VKORC1: variants seen among roughly 807,000 people sequenced by gnomAD.
VKORC1 encodes the protein vitamin K epoxide reductase complex subunit 1, also known as phylloquinone epoxide reductase.
In VKORC1, 12 loss-of-function variants were observed where a neutral mutation model predicts 14.8. That is an observed-to-expected ratio of 0.81 (90% CI 0.52 to 1.31). The LOEUF (loss-of-function observed/expected upper bound fraction) is 1.31. VKORC1 is among the 50% of genes most tolerant of loss of function. The pLI, the probability that VKORC1 is intolerant of heterozygous loss-of-function variation, is 0.00. For synonymous variants in VKORC1, 94 were observed against 92.5 expected (o/e 1.02, Z -0.09); for missense variants, 223 against 215.3 (o/e 1.04, Z -0.22).
At chr16:31,093,573 G>A in intron 1 of VKORC1, 152 bp from the exon 2 acceptor site, 1 of 1,525,892 alleles carries the variant, frequency 6.6e-7, no homozygotes, top group Non-Finnish European at 8.8e-7. Context: ...TGATCTCCTG[G>A]CACCGGGCAC....
intron 2 of VKORC1, chr16:31,092,871 C>CAA (rs144197331): frequency 1.5e-3 from 1,166 of 766,404 alleles, no homozygotes; most frequent in Middle Eastern, 2.7e-3. Context: ...CCATCTCTAC[C>CAA]AAAAAAAAAC....
At chr16:31,092,896 G>T in intron 2 of VKORC1, 1 of 641,456 alleles carries the variant, frequency 1.6e-6, no homozygotes, top group African/African-American at 1.9e-5. Context: ...ACAAAAATTA[G>T]CTGGGCATAG....
Position 31,090,984 on chromosome 16 carries a change from G to C in VKORC1, c.*150C>G. 1.5e-6 allele frequency: 2 copies of C among 1,290,924 alleles called. No individual in the cohort carries two copies. The highest frequency in any genetic ancestry group is 2.5e-5 in the East Asian group (1 of 39,450). 80.0% of individuals were successfully genotyped at this position (1,290,924 alleles called of 1,614,324 possible). On this transcript the variant is annotated 3_prime_UTR_variant, in exon 3 of 3. Transcript: ENST00000394975. ...AAAAGAGCGAGCGTGTGGCACATTT[G>C]GTCCATTGTCATGTGCGGGTATGGC...
At chr16:31,092,763 G>T in intron 2 of VKORC1, 1 of 1,280,296 alleles carries the variant, frequency 7.8e-7, no homozygotes, top group Non-Finnish European at 1.0e-6. Flanking sequence ...CTGGGGTGTT[G>T]GTGGGGCATG....
intron 2 of VKORC1, among the ~76,000 whole-genome samples, chr16:31,091,863 G>A (rs984767023): frequency 1.3e-5 from 2 of 151,264 alleles, no homozygotes; most frequent in African/African-American, 4.9e-5. Context: ...TCCAGCTTGG[G>A]CAGCAAGAGC....
In VKORC1 at chr16:31,093,643, C is replaced by G. The variant is rs547738904; in HGVS notation, c.174-222G>C. Reference sequence around the variant, plus strand: ...TATCCTCCCCTCTCCCCAGACCAGGCCCGGACGTGGCTACTCCGTAGGCCC... The same window carrying G: ...TATCCTCCCCTCTCCCCAGACCAGGGCCGGACGTGGCTACTCCGTAGGCCC... On this transcript the variant is annotated intron_variant, in intron 1 of 2. Coordinates refer to ENST00000394975, the MANE Select transcript of VKORC1 (RefSeq NM_024006.6). 191 of 1,148,386 alleles carry G rather than the reference C, an allele frequency of 1.7e-4. 1 individual carries two copies. Among genetic ancestry groups the G allele is most frequent in the Non-Finnish European group, 2.6e-5 (22 of 836,276 alleles). The allele number at this position is 1,148,386 out of a possible 1,614,324, so 71.1% of individuals were successfully genotyped here.
rs1332601665 is a variant in VKORC1 at position 31,091,036 on chromosome 16, C to A, written c.*98G>T. On this transcript the variant is annotated 3_prime_UTR_variant, in exon 3 of 3. Transcript: ENST00000394975. ...GGAGGAGGGGGTAATCTAGAAGCCC[C>A]ACATCTAGGGCCTTCTAGGGACCCA... 6 of 1,546,172 alleles carry A rather than the reference C, an allele frequency of 3.9e-6. No individual in the cohort carries two copies. In the East Asian group the frequency reaches 1.2e-4, roughly 31 times the overall value.
Position 31,091,359 on chromosome 16 carries a change from G to C in VKORC1, c.284-17C>G, listed in dbSNP as rs1285360048. 6.2e-7 allele frequency: 1 copy of C among 1,608,294 alleles called. No individual in the cohort carries two copies. The highest frequency in any genetic ancestry group is 2.2e-5 in the East Asian group (1 of 44,734). ...GCAGGCAACCTGCAAGGCAGAAGAG[G>C]GTCCGGTGTGGGCTTCAGGCACTGG... On this transcript the variant is annotated splice_polypyrimidine_tract_variant and intron_variant, in intron 2 of 2. Transcript: ENST00000394975.
At chr16:31,092,863 A>G (rs933141250) in intron 2 of VKORC1, 2 of 947,256 alleles carry the variant, frequency 2.1e-6, no homozygotes, top group Admixed American at 3.3e-5. Context: ...GCGAGACACC[A>G]TCTCTACCAA....
At chr16:31,093,524 C>T (rs748692999) in intron 1 of VKORC1, 103 bp from the exon 2 acceptor site, 1 of 1,573,266 alleles carries the variant, frequency 6.4e-7, no homozygotes, top group East Asian at 2.3e-5. Flanking sequence ...CCTGGGCTAT[C>T]CTCTGTTCCC....
chr16:31,094,095 TG>T (rs2057310730), intron 1 of VKORC1: 3 of 1,434,064 alleles, frequency 2.1e-6, no homozygotes, highest in Non-Finnish European at 2.8e-6. Flanking sequence ...ATCTTTGCCC[TG>T]GACCCCAGAA....
At chr16:31,092,344 GA>G (rs2057295668) in intron 2 of VKORC1, among the ~76,000 whole-genome samples, 1 of 148,072 alleles carries the variant, frequency 6.8e-6, no homozygotes, top group Admixed American at 6.8e-5. Context: ...AAAAAAAAAA[GA>G]AGGCTTCAAC....
In VKORC1 at chr16:31,091,484, C is replaced by T; in HGVS notation, c.284-142G>A. Reference sequence around the variant, plus strand: ...AGAGGCTCCAGGGCAGATGTGGTGGCTTACGCACGTATTCCAAACACTCTG... The same window carrying T: ...AGAGGCTCCAGGGCAGATGTGGTGGTTTACGCACGTATTCCAAACACTCTG... On this transcript the variant is annotated intron_variant, in intron 2 of 2. Coordinates refer to ENST00000394975, the MANE Select transcript of VKORC1 (RefSeq NM_024006.6). 3.4e-6 allele frequency: 5 copies of T among 1,492,284 alleles called. No homozygotes were observed. In the South Asian group the frequency reaches 6.2e-5, roughly 18 times the overall value. The allele number at this position is 1,492,284 out of a possible 1,614,324, so 92.4% of individuals were successfully genotyped here.
chr16:31,094,172 C>G (rs1300678698), intron 1 of VKORC1: 7 of 1,567,264 alleles, frequency 4.5e-6, no homozygotes, highest in Non-Finnish European at 6.1e-6. Flanking sequence ...GCCTGGCCAT[C>G]ACGCACAGCC....
chr16:31,093,823 T>C, intron 1 of VKORC1: 1 of 267,380 alleles, frequency 3.7e-6, no homozygotes. Context: ...TCTCCTGCCT[T>C]AGCCCCCCCG....
At chr16:31,094,160 A>G (rs1449318460) in intron 1 of VKORC1, 5 of 1,556,508 alleles carry the variant, frequency 3.2e-6, no homozygotes, top group Non-Finnish European at 4.4e-6. Context: ...CATTATGCTA[A>G]CGCCTGGCCA....
intron 1 of VKORC1, 67 bp from the exon 2 acceptor site, chr16:31,093,488 C>A (rs1481724142): frequency 1.2e-6 from 2 of 1,610,626 alleles, no homozygotes; most frequent in African/African-American, 2.7e-5. Flanking sequence ...GGACCCTGCC[C>A]GAGAAAGGTG....
Position 31,094,779 on chromosome 16 carries a change from C to T in VKORC1, c.-50G>A. The T allele has an allele frequency of 6.4e-7, 1 of 1,554,610 alleles. No homozygotes were observed. Among genetic ancestry groups the T allele is most frequent in the Non-Finnish European group, 8.7e-7 (1 of 1,155,074 alleles). On this transcript the variant is annotated 5_prime_UTR_variant, in exon 1 of 3. Transcript: ENST00000394975. ...CCCGCGGAGAAAACCAGCCACGGAG[C>T]AGGGGCCGGGCGGCGAATGGCCGCG...
intron 1 of VKORC1, 92 bp from the exon 2 acceptor site, chr16:31,093,513 A>T (rs1425064807): frequency 6.3e-7 from 1 of 1,590,260 alleles, no homozygotes; most frequent in Non-Finnish European, 8.6e-7. Context: ...CCAAGAAGCC[A>T]CCTGGGCTAT....
Sources: allele counts gnomAD v4.1 joint callset (sites outside exome capture counted in the v4.1 genomes callset), GRCh38; gene constraint gnomAD v4.1.1; transcripts MANE v1.5; gene names NCBI Gene and HGNC (gene_info 2026-07-23, HGNC 2026-07-21).